The following BLTP1 variants were observed in gnomAD, a reference collection of about 807,000 sequenced individuals.
BLTP1 encodes the protein bridge-like lipid transfer protein family member 1, also known as fragile site-associated protein.
chr4:122,159,408 A>G, the BLTP1 span, among the ~76,000 whole-genome samples: 1 of 151,824 alleles, frequency 6.6e-6, no homozygotes, highest in African/African-American at 2.4e-5. Context: ...GGTTGCAGTG[A>G]GCCAGATCGT....
the BLTP1 span, among the ~76,000 whole-genome samples, chr4:122,319,302 A>G: frequency 6.6e-6 from 1 of 151,906 alleles, no homozygotes; most frequent in East Asian, 1.9e-4. Flanking sequence ...TCTAAGATAG[A>G]AGTTTAGATA....
At chr4:122,250,396 T>C in the BLTP1 span, 1 of 1,613,098 alleles carries the variant, frequency 6.2e-7, no homozygotes, top group Non-Finnish European at 8.5e-7. Context: ...TATATAACAG[T>C]TTTGGAATTA....
At chr4:122,169,723 A>G in the BLTP1 span, 1 of 979,524 alleles carries the variant, frequency 1.0e-6, no homozygotes, top group Admixed American at 6.1e-5. Context: ...ACATATGTGT[A>G]TGCATACAAA....
At chr4:122,298,848 C>T in the BLTP1 span, 2 of 984,636 alleles carry the variant, frequency 2.0e-6, no homozygotes, top group Non-Finnish European at 2.4e-6. Flanking sequence ...TAGCAAGAAA[C>T]TGGGACTGAA....
At chr4:122,246,509 C>A in the BLTP1 span, 1 of 601,622 alleles carries the variant, frequency 1.7e-6, no homozygotes, top group South Asian at 7.5e-5. Context: ...CCACATCCAT[C>A]CAGTAAAAAT....
chr4:122,316,808 G>C, the BLTP1 span: 1 of 1,612,930 alleles, frequency 6.2e-7, no homozygotes, highest in African/African-American at 1.3e-5. Flanking sequence ...ATTATGAAGC[G>C]TATAGTGGAT....
At chr4:122,219,657 G>C in the BLTP1 span, 1 of 859,962 alleles carries the variant, frequency 1.2e-6, no homozygotes, top group South Asian at 2.0e-5. Flanking sequence ...CTTAGAAAAA[G>C]AAAATCAGAT....
At chr4:122,192,279 G>A in the BLTP1 span, 2 of 1,613,620 alleles carry the variant, frequency 1.2e-6, no homozygotes, top group Non-Finnish European at 8.5e-7. Flanking sequence ...AATGAGCAGT[G>A]AGGATTGCAA....
the BLTP1 span, among the ~76,000 whole-genome samples, chr4:122,314,692 C>T: frequency 0.25 from 37,631 of 151,898 alleles, 5,631 homozygotes; most frequent in Middle Eastern, 0.48. Flanking sequence ...TTAGAAAGCA[C>T]CAAGGCCTAG....
chr4:122,220,202 C>G, the BLTP1 span: 1 of 977,374 alleles, frequency 1.0e-6, no homozygotes, highest in East Asian at 2.7e-5. Flanking sequence ...TTATTTTTCT[C>G]AGTAATCATA....
chr4:122,247,476 A>C, the BLTP1 span: 12 of 1,239,626 alleles, frequency 9.7e-6, no homozygotes, highest in Non-Finnish European at 1.4e-5. Context: ...TATAAGAAAG[A>C]GAAAGGTATT....
the BLTP1 span, chr4:122,220,515 T>G: frequency 6.8e-7 from 1 of 1,475,274 alleles, no homozygotes; most frequent in South Asian, 1.2e-5. Context: ...GATTTATTAT[T>G]AATATTTATT....
chr4:122,155,575 C>T, the BLTP1 span, among the ~76,000 whole-genome samples: 3 of 152,164 alleles, frequency 2.0e-5, no homozygotes, highest in African/African-American at 7.2e-5. Context: ...CCACCCGCCT[C>T]GGCTTCCCTA....
At chr4:122,256,127 C>T in the BLTP1 span, 9 of 984,292 alleles carry the variant, frequency 9.1e-6, no homozygotes, top group Non-Finnish European at 1.1e-5. Context: ...AGTTGCTGGC[C>T]AATAGGGGAC....
At chr4:122,182,015 A>G in the BLTP1 span, among the ~76,000 whole-genome samples, 2 of 152,172 alleles carry the variant, frequency 1.3e-5, no homozygotes, top group African/African-American at 4.8e-5. Context: ...TTTCTATTGA[A>G]AATCATTGGC....
chr4:122,224,352 G>A, the BLTP1 span: 7 of 868,772 alleles, frequency 8.1e-6, no homozygotes, highest in South Asian at 7.5e-5. Context: ...GCGGGTACAA[G>A]GTTGTGTTAG....
the BLTP1 span, chr4:122,167,873 A>C: frequency 1.0e-6 from 1 of 985,420 alleles, no homozygotes; most frequent in Non-Finnish European, 1.2e-6. Flanking sequence ...AAGAGGAAAC[A>C]ACCAGTTTGT....
the BLTP1 span, chr4:122,172,922 C>A: frequency 9.6e-6 from 15 of 1,557,198 alleles, no homozygotes; most frequent in Non-Finnish European, 1.3e-5. Context: ...AGGAAGAAAG[C>A]TGGATAAAGT....
chr4:122,284,236 G>C, the BLTP1 span, among the ~76,000 whole-genome samples: 1 of 152,062 alleles, frequency 6.6e-6, no homozygotes. Flanking sequence ...TTTATCTATA[G>C]ACAGTCATAC....
Sources: allele counts gnomAD v4.1 joint callset (sites outside exome capture counted in the v4.1 genomes callset), GRCh38; gene constraint gnomAD v4.1.1; transcripts MANE v1.5; gene names NCBI Gene and HGNC (gene_info 2026-07-23, HGNC 2026-07-21).